The following VWA8 variants were observed in gnomAD, a reference collection of about 807,000 sequenced individuals.
The protein encoded by VWA8 is von Willebrand factor A domain containing 8, also known as von Willebrand factor A domain-containing protein 8.
Under a neutral mutation model 241.5 loss-of-function variants are expected in VWA8, and 221 were observed. The ratio of observed to expected loss-of-function variants is 0.91; its 90% CI spans 0.82 to 1.02. The LOEUF is 1.02. Among genes scored for constraint, VWA8 ranks in the 50% least tolerant of loss-of-function variants. The probability of loss-of-function intolerance (pLI) is 0.00; values close to 1 mark genes in which losing one functional copy is unlikely to be tolerated. For missense variants in VWA8, 2,322 were observed against 2,328.7 expected (o/e 1.00, Z 0.06); for synonymous variants, 852 against 827.1 (o/e 1.03, Z -0.52).
rs2044292487 is a variant in VWA8 at position 41,570,425 on chromosome 13, A to G, written c.5609+43T>C. The G allele has an allele frequency of 2.6e-6, 4 of 1,548,034 alleles. No individual in the cohort carries two copies. The South Asian group carries it at 3.4e-5, about 13-fold the overall frequency. ...AAACAGCATGTGTTAGCTACTCAGT[A>G]TCTCTGTACCTGCCCTTTTCTGTAT... is the stretch of plus-strand genomic sequence containing the variant. On this transcript the variant is annotated intron_variant, in intron 44 of 44. Coordinates refer to ENST00000379310, the MANE Select transcript of VWA8 (RefSeq NM_015058.2).
intron 43 of VWA8, among the ~76,000 whole-genome samples, chr13:41,575,478 T>A (rs1325611443): frequency 1.3e-5 from 2 of 152,172 alleles, no homozygotes; most frequent in Non-Finnish European, 2.9e-5. Context: ...AAGAGCCATA[T>A]AGGACATACA....
intron 4 of VWA8, 60 bp from the exon 5 acceptor site, chr13:41,891,647 C>G: frequency 6.4e-7 from 1 of 1,564,898 alleles, no homozygotes; most frequent in Non-Finnish European, 8.7e-7. Context: ...CTTGGCCTAA[C>G]ATTACTTGTA....
chr13:41,796,345 G>GA (rs1449570019), intron 17 of VWA8, among the ~76,000 whole-genome samples: 1 of 152,042 alleles, frequency 6.6e-6, no homozygotes, highest in Non-Finnish European at 1.5e-5. Flanking sequence ...CTTTTTTAAT[G>GA]AAATTTTTTA....
Position 41,868,289 on chromosome 13 carries a change from C to A in VWA8, c.1212+57G>T, listed in dbSNP as rs567156860. ...AGGAGATCATAAACCCAATTTAGGTCATAAAAACAGGCAGAATAAGGTATA... is the reference window on the plus strand; with the variant it reads ...AGGAGATCATAAACCCAATTTAGGTAATAAAAACAGGCAGAATAAGGTATA... On this transcript the variant is annotated intron_variant, in intron 10 of 44. Coordinates refer to ENST00000379310, the MANE Select transcript of VWA8 (RefSeq NM_015058.2). The A allele has an allele frequency of 1.5e-4, 238 of 1,600,576 alleles. 1 individual carries two copies. Among genetic ancestry groups the A allele is most frequent in the Non-Finnish European group, 1.9e-4 (228 of 1,173,212 alleles).
intron 21 of VWA8, among the ~76,000 whole-genome samples, chr13:41,760,448 T>C (rs1321892689): frequency 6.6e-6 from 1 of 151,928 alleles, no homozygotes; most frequent in Non-Finnish European, 1.5e-5. Context: ...TTATACTATA[T>C]ATTTTTTACT....
At chr13:41,620,710 C>T (rs377366165) in intron 37 of VWA8, among the ~76,000 whole-genome samples, 6 of 152,292 alleles carry the variant, frequency 3.9e-5, no homozygotes, top group South Asian at 2.1e-4. Flanking sequence ...TCAGAAGCAT[C>T]TTCAGAATCT....
chr13:41,571,276 CTCTCCCGTCTCCCTCTCCCG>C (rs1205675228), intron 43 of VWA8, among the ~76,000 whole-genome samples: 1 of 149,594 alleles, frequency 6.7e-6, no homozygotes, highest in Non-Finnish European at 1.5e-5. Flanking sequence ...AACCCTGTCC[CTCTCCCGTCTCCCTCTCCCG>C]TCTCCCTCTC....
chr13:41,844,796 CA>C (rs58119854), intron 12 of VWA8, among the ~76,000 whole-genome samples: 71 of 140,900 alleles, frequency 5.0e-4, no homozygotes, highest in African/African-American at 7.5e-4. Flanking sequence ...CAATAGCTGC[CA>C]AAAAAAAAAA....
chr13:41,961,040 G>T lies in VWA8; in HGVS notation c.-25C>A. On this transcript the variant is annotated 5_prime_UTR_variant, in exon 1 of 45. Coordinates refer to ENST00000379310, the MANE Select transcript of VWA8 (RefSeq NM_015058.2). ...TGGCGCCGGGGGGGCTGTCGGGGAC[G>T]GCGAGGGGGCTCGGGGATCGAGCGG... The T allele has an allele frequency of 7.4e-7, 1 of 1,356,856 alleles. No individual in the cohort carries two copies. The highest frequency in any genetic ancestry group is 1.8e-5 in the South Asian group (1 of 56,796). The allele number at this position is 1,356,856 out of a possible 1,614,324, so 84.1% of individuals were successfully genotyped here.
chr13:41,639,741 G>A (rs1041109919), intron 37 of VWA8, among the ~76,000 whole-genome samples: 6 of 152,210 alleles, frequency 3.9e-5, no homozygotes, highest in African/African-American at 1.4e-4. Flanking sequence ...ACAAAGAAGG[G>A]AACGATAGAC....
At chr13:41,887,116 A>C in intron 6 of VWA8, 81 bp downstream of exon 6, 1 of 1,468,482 alleles carries the variant, frequency 6.8e-7, no homozygotes, top group Non-Finnish European at 9.2e-7. Context: ...TCAAAACTGC[A>C]GTAACATTTT....
At chr13:41,687,932 C>G (rs1294958388) in intron 34 of VWA8, among the ~76,000 whole-genome samples, 1 of 152,018 alleles carries the variant, frequency 6.6e-6, no homozygotes, top group East Asian at 1.9e-4. Context: ...TATTTTCTAA[C>G]TTTTTATAAT....
intron 40 of VWA8, among the ~76,000 whole-genome samples, chr13:41,595,106 G>A (rs2044479552): frequency 6.6e-6 from 1 of 152,188 alleles, no homozygotes; most frequent in African/African-American, 2.4e-5. Flanking sequence ...TTCAAGGAAA[G>A]CTGTTACATT....
chr13:41,662,266 A>G (rs988079542), intron 37 of VWA8, among the ~76,000 whole-genome samples: 2 of 152,198 alleles, frequency 1.3e-5, no homozygotes, highest in African/African-American at 4.8e-5. Flanking sequence ...TTTCTAATCC[A>G]TGAACTCAGT....
intron 2 of VWA8, among the ~76,000 whole-genome samples, chr13:41,928,108 A>T (rs1876934843): frequency 1.3e-5 from 2 of 152,348 alleles, no homozygotes; most frequent in African/African-American, 4.8e-5. Flanking sequence ...ACATTAAAGC[A>T]AATATTAATG....
In VWA8 at chr13:41,947,898, C is replaced by A. The variant is rs552250621; in HGVS notation, c.241+2038G>T. 5.0e-5 allele frequency among the ~76,000 whole-genome samples: 7 copies of A among 141,150 alleles called. No individual in the cohort carries two copies. In the South Asian group the frequency reaches 1.4e-3, roughly 27 times the overall value. 92.6% of individuals were successfully genotyped at this position (141,150 alleles called of 152,430 possible). ...AGTGAGCCGACATTGCACCACTGCA[C>A]CCCAGCCTGGGCCACAAAGTGAGAC... On this transcript the variant is annotated intron_variant, in intron 2 of 44. Coordinates refer to ENST00000379310, the MANE Select transcript of VWA8 (RefSeq NM_015058.2).
chr13:41,615,948 C>G (rs1166562137), intron 37 of VWA8, among the ~76,000 whole-genome samples: 1 of 152,194 alleles, frequency 6.6e-6, no homozygotes, highest in Non-Finnish European at 1.5e-5. Flanking sequence ...AAGACAAGAT[C>G]AAATTCTCAT....
At chr13:41,890,689 G>A (rs1314678772) in intron 5 of VWA8, among the ~76,000 whole-genome samples, 1 of 152,180 alleles carries the variant, frequency 6.6e-6, no homozygotes, top group Non-Finnish European at 1.5e-5. Context: ...CTGCCCTTGT[G>A]AAACTTATAT....
At chr13:41,693,014 T>A (rs1312571153) in intron 29 of VWA8, 42 bp from the exon 30 acceptor site, 7 of 643,728 alleles carry the variant, frequency 1.1e-5, no homozygotes, top group Admixed American at 9.7e-5. Flanking sequence ...GATTTGTTCT[T>A]TTTTTTTTTT....
Sources: allele counts gnomAD v4.1 joint callset (sites outside exome capture counted in the v4.1 genomes callset), GRCh38; gene constraint gnomAD v4.1.1; transcripts MANE v1.5; gene names NCBI Gene and HGNC (gene_info 2026-07-23, HGNC 2026-07-21).